ZFHX3: variants seen among roughly 807,000 people sequenced by gnomAD.
ZFHX3 encodes zinc finger homeobox protein 3.
Under a neutral mutation model 279.1 loss-of-function variants are expected in ZFHX3, and 42 were observed. The ratio of observed to expected loss-of-function variants is 0.15; its 90% confidence interval spans 0.12 to 0.19. The LOEUF (loss-of-function observed/expected upper bound fraction) is 0.19. ZFHX3 is among the 10% of genes least tolerant of loss of function. The pLI is 1.00. For missense variants in ZFHX3, 4,981 were observed against 4,754.0 expected (o/e 1.05, Z -1.40); for synonymous variants, 2,293 against 1,957.8 (o/e 1.17, Z -4.52).
chr16:73,130,981 C>A, exon 7 of ZFHX3: 7 of 1,305,260 alleles, frequency 5.4e-6, no homozygotes, highest in Non-Finnish European at 7.1e-6. Context: ...TATGCAACTG[C>A]CGCTTTGTGC....
intron 1 of ZFHX3, among the ~76,000 whole-genome samples, chr16:73,804,546 T>C (rs920896169): frequency 5.3e-5 from 8 of 152,174 alleles, no homozygotes; most frequent in South Asian, 2.1e-4. Context: ...GCACCTTTCT[T>C]TCCCTTCTCT....
intron 4 of ZFHX3, among the ~76,000 whole-genome samples, chr16:73,307,699 G>C (rs1010010989): frequency 1.3e-5 from 2 of 151,944 alleles, no homozygotes; most frequent in African/African-American, 4.8e-5. Context: ...ATATCTGTTT[G>C]GTTTCTTACT....
At chr16:73,270,063 C>A (rs2014098512) in intron 4 of ZFHX3, among the ~76,000 whole-genome samples, 1 of 152,084 alleles carries the variant, frequency 6.6e-6, no homozygotes, top group South Asian at 2.1e-4. Context: ...ATATATTTTT[C>A]AACTTGCATT....
intron 2 of ZFHX3, among the ~76,000 whole-genome samples, chr16:73,537,845 C>T (rs567920655): frequency 6.6e-6 from 1 of 152,228 alleles, no homozygotes; most frequent in South Asian, 2.1e-4. Context: ...CATTTAGGGT[C>T]GTGGCTTTTT....
intron 3 of ZFHX3, among the ~76,000 whole-genome samples, chr16:73,356,130 G>A (rs1034058538): frequency 6.6e-6 from 1 of 152,166 alleles, no homozygotes; most frequent in Admixed American, 6.5e-5. Flanking sequence ...AAACCAACCA[G>A]GTTTTCGTTG....
chr16:73,841,396 G>A (rs1471114843), intron 1 of ZFHX3, among the ~76,000 whole-genome samples: 1 of 152,146 alleles, frequency 6.6e-6, no homozygotes, highest in East Asian at 1.9e-4. Flanking sequence ...TAGACTGCAG[G>A]GGAGACATGG....
upstream of ZFHX3, chr16:73,048,184 G>C (rs539669047): frequency 6.5e-6 from 1 of 153,134 alleles, no homozygotes; most frequent in African/African-American, 2.4e-5. Flanking sequence ...GGCGGGCGGG[G>C]CGGGGGGCCT....
chr16:73,779,207 A>AT (rs1369545586), intron 1 of ZFHX3, among the ~76,000 whole-genome samples: 14 of 152,110 alleles, frequency 9.2e-5, no homozygotes, highest in African/African-American at 1.4e-4. Flanking sequence ...TCTGGGGGTG[A>AT]TTTTTTTTCT....
chr16:73,688,578 T>C (rs2053115701), intron 1 of ZFHX3, among the ~76,000 whole-genome samples: 1 of 152,048 alleles, frequency 6.6e-6, no homozygotes, highest in South Asian at 2.1e-4. Context: ...CAACAGACAC[T>C]GCATCTGCTG....
intron 8 of ZFHX3, among the ~76,000 whole-genome samples, chr16:73,066,745 GC>G (rs956740339): frequency 6.6e-6 from 1 of 152,204 alleles, no homozygotes; most frequent in Non-Finnish European, 1.5e-5. Context: ...GGCCCACGCC[GC>G]CCAGGCCCCG....
At chr16:73,093,844 G>A (rs1315507645) in intron 7 of ZFHX3, 1 of 283,402 alleles carries the variant, frequency 3.5e-6, no homozygotes, top group Non-Finnish European at 7.0e-6. Flanking sequence ...GGCGGGAAAA[G>A]AAAATGAATT....
chr16:72,956,188 A>T lies in ZFHX3; in HGVS notation c.2719+1239T>A, dbSNP rs529580734. Among the ~76,000 whole-genome samples the T allele has an allele frequency of 3.6e-4, 55 of 152,378 alleles. No homozygotes were observed. The South Asian group carries it at 0.011, about 32-fold the overall frequency. On this transcript the variant is annotated intron_variant, in intron 2 of 9. Transcript: ENST00000268489. ...AACTCATCGGCAACAATTAGCACTC[A>T]AACACCACACAAATAAACACTTGCC...
At chr16:73,184,813 C>T (rs1204608186) in intron 5 of ZFHX3, among the ~76,000 whole-genome samples, 1 of 152,180 alleles carries the variant, frequency 6.6e-6, no homozygotes, top group Non-Finnish European at 1.5e-5. Flanking sequence ...TAATTGTTCC[C>T]TTAATGAAAT....
rs1207804182 is a variant in ZFHX3, at chr16:73,787,818, T to A, written c.-1608+103833A>T. ...ACACTGTCACTGTTTTCTTAAAGTG[T>A]GTGTGTGTGTGTGTGTGTGTGTGTG... On this transcript the variant is annotated intron_variant, in intron 1 of 17. Coordinates refer to the ZFHX3 transcript ENST00000641206. 2.2e-5 allele frequency among the ~76,000 whole-genome samples: 3 copies of A among 136,860 alleles called. No individual in the cohort carries two copies. The East Asian group carries it at 6.3e-4, about 29-fold the overall frequency. 89.8% of individuals were successfully genotyped at this position (136,860 alleles called of 152,430 possible).
intron 3 of ZFHX3, among the ~76,000 whole-genome samples, chr16:72,933,460 C>G (rs1411252719): frequency 6.6e-6 from 1 of 151,602 alleles, no homozygotes; most frequent in Non-Finnish European, 1.5e-5. Flanking sequence ...ATGAACATCT[C>G]CAACCAAGGA....
At chr16:73,799,571 A>C (rs9933407) in intron 1 of ZFHX3, among the ~76,000 whole-genome samples, 5,759 of 152,234 alleles carry the variant, frequency 0.038, 398 homozygotes, top group African/African-American at 0.13. Flanking sequence ...CATCCCCTGG[A>C]AACAGCAAAG....
intron 3 of ZFHX3, among the ~76,000 whole-genome samples, chr16:73,372,777 G>A (rs1313713997): frequency 6.6e-6 from 1 of 152,168 alleles, no homozygotes; most frequent in Admixed American, 6.5e-5. Context: ...CAGTCCTGGG[G>A]CTTAGGGGCA....
At chr16:73,726,300 T>C (rs1779015297) in intron 1 of ZFHX3, among the ~76,000 whole-genome samples, 1 of 152,214 alleles carries the variant, frequency 6.6e-6, no homozygotes, top group Non-Finnish European at 1.5e-5. Context: ...GTACTCATTT[T>C]AAGCATGGCA....
At chr16:73,130,116 A>C (rs370094646) in intron 7 of ZFHX3, among the ~76,000 whole-genome samples, 10 of 152,322 alleles carry the variant, frequency 6.6e-5, no homozygotes, top group African/African-American at 2.4e-4. Flanking sequence ...ATCCCAGCAC[A>C]GACTGTAAAC....
Sources: allele counts gnomAD v4.1 joint callset (sites outside exome capture counted in the v4.1 genomes callset), GRCh38; gene constraint gnomAD v4.1.1; transcripts MANE v1.5; gene names NCBI Gene and HGNC (gene_info 2026-07-23, HGNC 2026-07-21).